Variants in SELP observed in about 807,000 individuals in gnomAD.
SELP encodes the protein selectin P.
Under a neutral mutation model 104.1 loss-of-function variants are expected in SELP, and 92 were observed. That is an observed-to-expected ratio of 0.88 (90% CI 0.75 to 1.05). The LOEUF (loss-of-function observed/expected upper bound fraction) is 1.05, where lower values mean the gene tolerates loss of function less well. Among genes scored for constraint, SELP ranks in the 50% least tolerant of loss-of-function variants. The pLI, the probability that SELP is intolerant of heterozygous loss-of-function variation, is 0.00. For missense variants in SELP, 1,022 were observed against 1,017.3 expected (o/e 1.00, Z -0.06); for synonymous variants, 397 against 364.5 (o/e 1.09, Z -1.01).
intron 9 of SELP, among the ~76,000 whole-genome samples, chr1:169,605,352 C>T (rs76110986): frequency 1.2e-3 from 178 of 152,320 alleles, no homozygotes; most frequent in African/African-American, 4.0e-3. Context: ...AGTCCAGGGG[C>T]TTGCCATCCT....
At chr1:169,600,182 G>C (rs1013575749) in intron 10 of SELP, among the ~76,000 whole-genome samples, 23 of 152,110 alleles carry the variant, frequency 1.5e-4, no homozygotes, top group African/African-American at 5.1e-4. Context: ...TGTATCCAAG[G>C]GTTCTGCATC....
Position 169,607,107 on chromosome 1 carries a change from G to A in SELP, c.1361C>T (p.Pro454Leu), listed in dbSNP as rs771669013. Residue 454 changes from proline to leucine, a missense_variant, in exon 9 of 17, where the codon CCA becomes CTA. Coordinates refer to ENST00000263686, the MANE Select transcript of SELP (RefSeq NM_003005.4). The part of the protein sequence containing the change: ...QALQCQDLPV[P>L]NEARVNCSHP... ...GGAGCAGTTCACCCGGGCCTCATTT[G>A]GAACTGGGAGATCCTGGCACTGCAA... The A allele has an allele frequency of 1.2e-6, 2 of 1,603,816 alleles. No homozygotes were observed. Among genetic ancestry groups the A allele is most frequent in the African/African-American group, 1.3e-5 (1 of 74,794 alleles).
intron 3 of SELP, among the ~76,000 whole-genome samples, chr1:169,615,492 C>A (rs975422543): frequency 7.9e-5 from 12 of 152,076 alleles, no homozygotes; most frequent in Admixed American, 2.0e-4. Flanking sequence ...GGAAGACTGT[C>A]TTGCAGAAAT....
intron 10 of SELP, among the ~76,000 whole-genome samples, chr1:169,602,228 G>T (rs1241954097): frequency 1.3e-5 from 2 of 152,136 alleles, no homozygotes; most frequent in Admixed American, 6.5e-5. Context: ...AGATGAAGAA[G>T]GCACAGCTCC....
chr1:169,596,259 A>G (rs1326995423), intron 11 of SELP, 125 bp from the exon 12 acceptor site: 15 of 813,114 alleles, frequency 1.8e-5, no homozygotes, highest in African/African-American at 3.5e-5. Flanking sequence ...TGCAAGAGCT[A>G]TTTAAGGAAG....
At chr1:169,605,638 C>G (rs1022039929) in intron 9 of SELP, among the ~76,000 whole-genome samples, 1 of 152,096 alleles carries the variant, frequency 6.6e-6, no homozygotes, top group Non-Finnish European at 1.5e-5. Context: ...GTAGAACTGT[C>G]TAGTCTTTTA....
intron 4 of SELP, 139 bp from the exon 5 acceptor site, chr1:169,613,253 T>C (rs1662638768): frequency 1.3e-6 from 1 of 783,844 alleles, no homozygotes; most frequent in African/African-American, 1.7e-5. Flanking sequence ...CCATCTCTAC[T>C]TGGTCTCTTT....
chr1:169,616,926 G>C, intron 3 of SELP, 102 bp downstream of exon 3: 2 of 1,278,068 alleles, frequency 1.6e-6, no homozygotes, highest in South Asian at 3.0e-5. Flanking sequence ...TTCATGTCCT[G>C]CCTTTGTATC....
intron 1 of SELP, among the ~76,000 whole-genome samples, chr1:169,620,266 G>T (rs1029397481): frequency 5.9e-5 from 9 of 151,942 alleles, no homozygotes; most frequent in Admixed American, 5.9e-4. Context: ...CATCTTGTCC[G>T]ACTTCCTCAT....
intron 7 of SELP, among the ~76,000 whole-genome samples, chr1:169,610,774 G>A (rs545147930): frequency 1.7e-3 from 250 of 151,510 alleles, no homozygotes; most frequent in Middle Eastern, 0.01. Context: ...GTGAGACTCT[G>A]TCTCAAAACA....
chr1:169,600,342 C>T (rs558637832), intron 10 of SELP, among the ~76,000 whole-genome samples: 5 of 152,258 alleles, frequency 3.3e-5, no homozygotes, highest in African/African-American at 4.8e-5. Context: ...AGGTATTATA[C>T]GTAATCTAAA....
chr1:169,604,668 T>C (rs1356030455), intron 9 of SELP, among the ~76,000 whole-genome samples: 2 of 152,208 alleles, frequency 1.3e-5, no homozygotes, highest in African/African-American at 4.8e-5. Context: ...CTGGTTCTTT[T>C]CTTCTAGTTG....
At chr1:169,620,949 C>CTGTGTGTGTG (rs57455285) in intron 1 of SELP, among the ~76,000 whole-genome samples, 32 of 77,028 alleles carry the variant, frequency 4.2e-4, no homozygotes, top group African/African-American at 1.3e-3. Context: ...GTGTGGGGTT[C>CTGTGTGTGTG]TGTGTGTGTG....
intron 11 of SELP, among the ~76,000 whole-genome samples, chr1:169,596,787 T>G (rs1444524376): frequency 6.6e-6 from 1 of 152,234 alleles, no homozygotes; most frequent in Non-Finnish European, 1.5e-5. Flanking sequence ...AAATTCCTGC[T>G]TAAGAATCAA....
intron 1 of SELP, among the ~76,000 whole-genome samples, chr1:169,624,462 A>G (rs1395933913): frequency 1.3e-5 from 2 of 152,308 alleles, no homozygotes; most frequent in African/African-American, 4.8e-5. Flanking sequence ...ACTTTAATAA[A>G]GAACTGGGCT....
At chr1:169,614,499 TTG>T (rs1662713868) in intron 3 of SELP, among the ~76,000 whole-genome samples, 1 of 152,188 alleles carries the variant, frequency 6.6e-6, no homozygotes, top group Non-Finnish European at 1.5e-5. Context: ...AGTATTAGAA[TTG>T]ATACTTTCAA....
At chr1:169,623,327 C>T (rs1213967327) in intron 1 of SELP, among the ~76,000 whole-genome samples, 17 of 152,148 alleles carry the variant, frequency 1.1e-4, no homozygotes, top group African/African-American at 3.1e-4. Flanking sequence ...GTGTGTAGGG[C>T]GAAGGAGTCG....
chr1:169,593,713 T>C lies in SELP; in HGVS notation c.2299A>G (p.Thr767Ala), dbSNP rs768609460. The change falls in exon 14 of 17, where the codon ACT becomes GCT. Residue 767 changes from threonine (T) to alanine (A), a missense_variant. Transcript: ENST00000263686. ...TVPTCQAGPL[T>A]IQEALTYFGG... ...AAGTAAGTCAGGGCTTCCTGGATAGTCAATGGTCCTGCTACAAAACAAACA... is the reference window on the plus strand; with the variant it reads ...AAGTAAGTCAGGGCTTCCTGGATAGCCAATGGTCCTGCTACAAAACAAACA... 2 of 1,613,314 alleles carry C rather than the reference T, an allele frequency of 1.2e-6. No homozygotes were observed. The highest frequency in any genetic ancestry group is 2.7e-5 in the African/African-American group (2 of 74,904).
chr1:169,599,884 C>A (rs1341654913), intron 10 of SELP, among the ~76,000 whole-genome samples: 2 of 152,102 alleles, frequency 1.3e-5, no homozygotes, highest in Non-Finnish European at 2.9e-5. Context: ...GGACCCCTCC[C>A]CACGCAGTGA....
Sources: allele counts gnomAD v4.1 joint callset (sites outside exome capture counted in the v4.1 genomes callset), GRCh38; gene constraint gnomAD v4.1.1; transcripts MANE v1.5; gene names NCBI Gene and HGNC (gene_info 2026-07-23, HGNC 2026-07-21).